Variants in AP1G2 observed in about 807,000 individuals in gnomAD.
AP1G2 encodes the protein AP-1 complex subunit gamma-like 2.
A neutral mutation model predicts 95.8 loss-of-function variants in AP1G2; 85 were observed. That is an observed-to-expected ratio of 0.89 (90% CI 0.74 to 1.06). The LOEUF (loss-of-function observed/expected upper bound fraction) is 1.06, where lower values mean the gene tolerates loss of function less well. Ranked by LOEUF, AP1G2 falls within the 50% of genes least tolerant of loss-of-function variation. The pLI, the probability that AP1G2 is intolerant of heterozygous loss-of-function variation, is 0.00. For synonymous variants in AP1G2, 378 were observed against 400.0 expected, an observed-to-expected ratio of 0.94 and a Z score of 0.66; for missense variants, 967 against 1,005.8, an observed-to-expected ratio of 0.96 and a Z score of 0.52.
Position 23,563,500 on chromosome 14 carries a change from C to T in AP1G2, c.1290G>A (p.Ala430=), listed in dbSNP as rs373872679. The change falls in exon 14 of 22, where the codon GCG becomes GCA. Residue 430 remains alanine (A), a splice_region_variant and synonymous_variant. Coordinates refer to ENST00000397120, the MANE Select transcript of AP1G2 (RefSeq NM_003917.5). ...CTGCATCATCCCGCACATGGGTGCC[C>T]GCCTGGAAGGTGTGGGCATGGCCAA... The part of the protein sequence containing the change: ...IDTILHVLTT[A]GTHVRDDAVA... 1.5e-5 allele frequency: 24 copies of T among 1,614,050 alleles called. No homozygotes were observed. The highest frequency in any genetic ancestry group is 8.8e-5 in the South Asian group (8 of 91,078).
intron 7 of AP1G2, 114 bp from the exon 8 acceptor site, chr14:23,565,313 C>G (rs867855006): frequency 5.7e-6 from 6 of 1,051,836 alleles, no homozygotes. Context: ...AGCCTTCCCC[C>G]ACCTCCTCAC....
In AP1G2 at chr14:23,567,114, TC is replaced by T. The variant is rs1159963632; in HGVS notation, c.200del (p.Gly67AspfsTer6). On this transcript the variant is annotated frameshift_variant, in exon 2 of 22. Transcript: ENST00000397120. LOFTEE classifies it high-confidence loss of function. The surrounding 1 kb of genome is among the most constrained non-coding windows in gnomAD (Gnocchi z 5.3). ...VHMLGYPAHFGQMECLKLIAS... is the reference protein window; with the variant it reads ...VHMLGYPAHFXQMECLKLIAS... The stretch of plus-strand genomic sequence containing the variant: ...GGGAGGTATTCCTGGCCAGTACCTG[TC>T]CAAAGTGGGCGGGGTAGCCCAACAT... The T allele has an allele frequency of 6.2e-7, 1 of 1,609,998 alleles. No homozygotes were observed. Among genetic ancestry groups the T allele is most frequent in the East Asian group, 2.2e-5 (1 of 44,780 alleles).
intron 8 of AP1G2, chr14:23,564,901 A>T (rs1887018386): frequency 4.7e-6 from 3 of 634,562 alleles, no homozygotes; most frequent in Admixed American, 5.7e-5. Context: ...CAACCATCCA[A>T]CAAAGTTCCC....
rs764307065 is a variant in AP1G2 at position 23,561,988 on chromosome 14, T to C, written c.1707A>G (p.Thr569=). 6 of 1,612,126 alleles carry C rather than the reference T, an allele frequency of 3.7e-6. 1 individual carries two copies. Among genetic ancestry groups the C allele is most frequent in the South Asian group, 2.2e-5 (2 of 90,780 alleles). The change falls in exon 17 of 22, where the codon ACA becomes ACG. Residue 569 remains threonine (T), a synonymous_variant. Transcript: ENST00000397120. ...ELQQRAVEYD[T]LFRKYDHMRA... is the part of the protein sequence containing the mutation. ...TCATGTGGTCGTATTTCCGGAAGAG[T>C]GTGTCATACTCCACAGCCCGCTGCT... is the stretch of plus-strand genomic sequence containing the variant.
Position 23,559,920 on chromosome 14 carries a change from G to A in AP1G2, c.2256+18C>T. 6.2e-7 allele frequency: 1 copy of A among 1,611,690 alleles called. No individual in the cohort carries two copies. Among genetic ancestry groups the A allele is most frequent in the African/African-American group, 1.3e-5 (1 of 74,992 alleles). On this transcript the variant is annotated intron_variant, in intron 21 of 21. Coordinates refer to ENST00000397120, the MANE Select transcript of AP1G2 (RefSeq NM_003917.5). The stretch of plus-strand genomic sequence containing the variant: ...TTCTATCCCTGGGTCTTGTCTTGGG[G>A]GAACTCCTGAAGCTCACCTTGTTAG...
At chr14:23,565,295 C>G in intron 7 of AP1G2, 96 bp from the exon 8 acceptor site, 1 of 1,295,426 alleles carries the variant, frequency 7.7e-7, no homozygotes, top group East Asian at 2.5e-5. Flanking sequence ...GTCTGGCTCG[C>G]TCCCTAGAGC....
rs752351764 is a variant in AP1G2, at chr14:23,563,501, G to C, written c.1289C>G (p.Ala430Gly). The C allele has an allele frequency of 4.3e-6, 7 of 1,614,054 alleles. No individual in the cohort carries two copies. In the South Asian group the frequency reaches 4.4e-5, roughly 10 times the overall value. ...TGCATCATCCCGCACATGGGTGCCC[G>C]CCTGGAAGGTGTGGGCATGGCCAAG... The part of the protein sequence containing the change: ...IDTILHVLTT[A>G]GTHVRDDAVA... The change falls in exon 14 of 22, where the codon GCG becomes GGG. Residue 430 changes from alanine (A) to glycine (G), a missense_variant and splice_region_variant. Physicochemically the swap from Ala to Gly is moderately conservative, Grantham distance 60. Transcript: ENST00000397120.
At chr14:23,562,453 T>A in intron 15 of AP1G2, 38 bp from the exon 16 acceptor site, 1 of 1,613,922 alleles carries the variant, frequency 6.2e-7, no homozygotes, top group South Asian at 1.1e-5. Flanking sequence ...CTGGTGCAAG[T>A]CCTGTCCCCC....
chr14:23,566,065 A>C lies in AP1G2; in HGVS notation c.567T>G (p.His189Gln). 6.2e-7 allele frequency: 1 copy of C among 1,614,150 alleles called. No individual in the cohort carries two copies. Among genetic ancestry groups the C allele is most frequent in the South Asian group, 1.1e-5 (1 of 91,082 alleles). The stretch of plus-strand genomic sequence containing the variant: ...GGATGGGGGGCCCCACAGCCTTACC[A>C]TGGTGACGCTCATGAAGCAGTTGGG... ...PCAQLLHERHHGILLGTITLI... is the reference protein window; with the variant it reads ...PCAQLLHERHQGILLGTITLI... Residue 189 changes from histidine to glutamine, a missense_variant and splice_region_variant, in exon 5 of 22, where the codon CAT (histidine) becomes CAG (glutamine). Physicochemically the swap from His to Gln is conservative, Grantham distance 24 (BLOSUM62 0). Transcript: ENST00000397120.
rs151077277 is a variant in AP1G2 at position 23,565,158 on chromosome 14, G to T, written c.783C>A (p.His261Gln). The change falls in exon 8 of 22, where the codon CAC becomes CAA. Residue 261 changes from histidine (H) to glutamine (Q), a missense_variant. Physicochemically the swap from His to Gln is conservative, Grantham distance 24. Transcript: ENST00000397120. Reference protein sequence around the residue: ...LRLLRILGRNHEESSETMNDL... With the variant: ...LRLLRILGRNQEESSETMNDL... ...CATTCATGGTCTCACTGCTCTCCTC[G>T]TGGTTCCGGCCCAGGATCCGAAGCA... is the stretch of plus-strand genomic sequence containing the variant. 5 of 1,614,212 alleles carry T rather than the reference G, an allele frequency of 3.1e-6. No homozygotes were observed. The highest frequency in any genetic ancestry group is 4.2e-6 in the Non-Finnish European group (5 of 1,180,026).
chr14:23,563,491 A>G lies in AP1G2; in HGVS notation c.1299T>C (p.His433=). ...GGTTGGCCACTGCATCATCCCGCAC[A>G]TGGGTGCCCGCCTGGAAGGTGTGGG... The part of the protein sequence containing the change: ...ILHVLTTAGT[H]VRDDAVANLT... Residue 433 remains histidine, a synonymous_variant, in exon 14 of 22, where the codon CAT becomes CAC. Coordinates refer to ENST00000397120, the MANE Select transcript of AP1G2 (RefSeq NM_003917.5). The G allele has an allele frequency of 5.0e-6, 8 of 1,614,196 alleles. No individual in the cohort carries two copies. Among genetic ancestry groups the G allele is most frequent in the Non-Finnish European group, 5.1e-6 (6 of 1,180,022 alleles).
rs1884875443 is a variant in AP1G2 at position 23,561,837 on chromosome 14, G to A, written c.1733+125C>T. On this transcript the variant is annotated intron_variant, in intron 17 of 21. Transcript: ENST00000397120. ...GCCAGCTTAGCTTCAATTAACAGTG[G>A]GTGGGAAGCTCTCACCGTGGATATG... is the stretch of plus-strand genomic sequence containing the variant. 2.7e-6 allele frequency: 4 copies of A among 1,471,324 alleles called. No individual in the cohort carries two copies. The South Asian group carries it at 5.6e-5, about 21-fold the overall frequency. 91.1% of individuals were successfully genotyped at this position (1,471,324 alleles called of 1,614,324 possible).
chr14:23,562,552 A>G lies in AP1G2; in HGVS notation c.1452T>C (p.Tyr484=), dbSNP rs1174574993. ...AGTTCCCTGCCAGCAGGAGGTCCCC[A>G]TACTCCCCAATGCACCAGGCTGCCA... is the stretch of plus-strand genomic sequence containing the variant. ...VQVAAWCIGE[Y]GDLLLAGNCE... The change falls in exon 15 of 22, where the codon TAT becomes TAC. Residue 484 remains tyrosine (Y), a synonymous_variant. Coordinates refer to ENST00000397120, the MANE Select transcript of AP1G2 (RefSeq NM_003917.5). 6.2e-7 allele frequency: 1 copy of G among 1,614,152 alleles called. No individual in the cohort carries two copies. Among genetic ancestry groups the G allele is most frequent in the Admixed American group, 1.7e-5 (1 of 60,016 alleles).
chr14:23,559,718 CAGG>C lies in AP1G2; in HGVS notation c.*28_*30del, dbSNP rs765398989. The stretch of plus-strand genomic sequence containing the variant: ...CTGGGGCCCCCTGGGGTTTGGGACA[CAGG>C]AGAATTTCAGGCTGTGAGTGGAGAC... On this transcript the variant is annotated 3_prime_UTR_variant, in exon 22 of 22. Coordinates refer to ENST00000397120, the MANE Select transcript of AP1G2 (RefSeq NM_003917.5). The C allele has an allele frequency of 1.6e-5, 26 of 1,609,946 alleles. No individual in the cohort carries two copies. The South Asian group carries it at 2.4e-4, about 15-fold the overall frequency.
At chr14:23,566,248 G>A in intron 4 of AP1G2, 30 bp downstream of exon 4, 1 of 1,612,238 alleles carries the variant, frequency 6.2e-7, no homozygotes, top group Non-Finnish European at 8.5e-7. Flanking sequence ...CAGTGTGCAG[G>A]AGCACGTGCC....
In AP1G2 at chr14:23,560,372, C is replaced by G. The variant is rs1883624010; in HGVS notation, c.2040G>C (p.Leu680=). 3.7e-6 allele frequency: 6 copies of G among 1,614,074 alleles called. No individual in the cohort carries two copies. The highest frequency in any genetic ancestry group is 5.1e-6 in the Non-Finnish European group (6 of 1,180,012). The part of the protein sequence containing the change: ...LKVFEREGVQ[L]NLSFIRPPEN... ...CAGGGGGTCGAATGAAAGACAGATT[C>G]AGCTGTACTCCCTCACGCTCAAACA... The change falls in exon 20 of 22, where the codon CTG becomes CTC. Residue 680 remains leucine (L), a synonymous_variant. Coordinates refer to ENST00000397120, the MANE Select transcript of AP1G2 (RefSeq NM_003917.5).
At chr14:23,564,247 GA>G in intron 10 of AP1G2, 85 bp downstream of exon 10, 1 of 1,613,296 alleles carries the variant, frequency 6.2e-7, no homozygotes, top group Non-Finnish European at 8.5e-7. Flanking sequence ...AGATAAGAGA[GA>G]AATGGATCAG....
Position 23,564,143 on chromosome 14 carries a change from A to G in AP1G2, c.994T>C (p.Ser332Pro). Residue 332 changes from serine to proline, a missense_variant, in exon 11 of 22, where the codon TCA (serine) becomes CCA (proline). By Grantham distance (74) the Ser-to-Pro change is moderately conservative (BLOSUM62 -1). Transcript: ENST00000397120. ...TCAGACTGCACCAGTCGAAGCAGTG[A>G]TGTCAGGGCTACATACCTGGTCAGG... ...DRNIRYVALTSLLRLVQSDHS... is the reference protein window; with the variant it reads ...DRNIRYVALTPLLRLVQSDHS... 6.2e-7 allele frequency: 1 copy of G among 1,614,108 alleles called. No homozygotes were observed. The highest frequency in any genetic ancestry group is 1.7e-5 in the Admixed American group (1 of 60,018).
In AP1G2 at chr14:23,563,891, C is replaced by A. The variant is rs758289014; in HGVS notation, c.1092-35G>T. 3.7e-6 allele frequency: 6 copies of A among 1,608,330 alleles called. No individual in the cohort carries two copies. The Admixed American group carries it at 1.0e-4, about 27-fold the overall frequency. ...GAAAGAGGTTTCCATGCAGGTAGCC[C>A]AGGTCATCCTGGTCCATGCCTCAGG... On this transcript the variant is annotated intron_variant, in intron 11 of 21. Coordinates refer to ENST00000397120, the MANE Select transcript of AP1G2 (RefSeq NM_003917.5).
Sources: allele counts gnomAD v4.1 joint callset, GRCh38; gene constraint gnomAD v4.1.1; non-coding constraint Gnocchi (gnomAD v3.1); transcripts MANE v1.5; gene names NCBI Gene and HGNC (gene_info 2026-07-23, HGNC 2026-07-21).